PRKN: variants seen among roughly 807,000 people sequenced by gnomAD.
PRKN encodes E3 ubiquitin-protein ligase parkin.
PRKN carries 56 observed loss-of-function variants against 59.5 expected under a neutral mutation model. That is an observed-to-expected ratio of 0.94 (90% CI 0.76 to 1.18). PRKN has a LOEUF of 1.18. Ranked by LOEUF, PRKN falls within the 50% of genes most tolerant of loss-of-function variation. The pLI is 0.00. For synonymous variants in PRKN, 250 were observed against 222.1 expected (o/e 1.13, Z -1.12); for missense variants, 657 against 596.4 (o/e 1.10, Z -1.06).
chr6:162,410,963 T>C (rs1788327241), intron 2 of PRKN, among the ~76,000 whole-genome samples: 1 of 151,106 alleles, frequency 6.6e-6, no homozygotes, highest in Admixed American at 6.6e-5. Context: ...ATGATTCTTC[T>C]GGTGTCTCTC....
At chr6:161,727,182 C>A (rs79519427) in intron 7 of PRKN, among the ~76,000 whole-genome samples, 1 of 152,154 alleles carries the variant, frequency 6.6e-6, no homozygotes, top group African/African-American at 2.4e-5. Context: ...CAATGGGAGT[C>A]CTATTTTCTT....
chr6:161,567,422 G>T (rs562470261), intron 8 of PRKN, among the ~76,000 whole-genome samples: 27 of 152,144 alleles, frequency 1.8e-4, no homozygotes, highest in African/African-American at 5.5e-4. Flanking sequence ...ATGTGTTTAT[G>T]TGTATATAAT....
chr6:162,594,784 T>G (rs1781438298), intron 1 of PRKN, among the ~76,000 whole-genome samples: 1 of 152,218 alleles, frequency 6.6e-6, no homozygotes, highest in East Asian at 1.9e-4. Flanking sequence ...ACATGATATT[T>G]TTTGGATATT....
chr6:162,679,872 G>C (rs1303166033), intron 1 of PRKN, among the ~76,000 whole-genome samples: 1 of 152,136 alleles, frequency 6.6e-6, no homozygotes, highest in Non-Finnish European at 1.5e-5. Context: ...GGAAGAACAG[G>C]CCAGTGAGGT....
chr6:162,612,210 A>G (rs1782213853), intron 1 of PRKN, among the ~76,000 whole-genome samples: 1 of 150,352 alleles, frequency 6.7e-6, no homozygotes, highest in East Asian at 2.0e-4. Flanking sequence ...AAAAAAAAAA[A>G]AAAAGAAATG....
chr6:162,562,623 G>C (rs1779890118), intron 1 of PRKN, among the ~76,000 whole-genome samples: 1 of 152,136 alleles, frequency 6.6e-6, no homozygotes, highest in African/African-American at 2.4e-5. Flanking sequence ...TTTGGAAAGG[G>C]GAGAGAAAAC....
Position 161,502,715 on chromosome 6 carries a change from G to T in PRKN, c.1083+46139C>A, listed in dbSNP as rs6918906. Among the ~76,000 whole-genome samples, 1 of 152,032 alleles carries T rather than the reference G, an allele frequency of 6.6e-6. No homozygotes were observed. ...ATAATAGTTAGAACACAGTGTTATC[G>T]GCTAGGACTAATGATGGTGGAGCAG... On this transcript the variant is annotated intron_variant, in intron 9 of 11. Transcript: ENST00000366898. This position sits in a 1 kb window ranked among gnomAD's most constrained non-coding sequence, Gnocchi z 4.0.
rs1309974642 is a variant in PRKN, at chr6:162,445,623, T to TA, written c.8-2151dup. Among the ~76,000 whole-genome samples the TA allele has an allele frequency of 3.0e-5, 4 of 134,346 alleles. No individual in the cohort carries two copies. The Admixed American group carries it at 3.6e-4, about 12-fold the overall frequency. The allele number at this position is 134,346 out of a possible 152,430, so 88.1% of individuals were successfully genotyped here. On this transcript the variant is annotated intron_variant, in intron 1 of 11. Coordinates refer to ENST00000366898, the MANE Select transcript of PRKN (RefSeq NM_004562.3). ...GGGATGACTGTGTAAGCCCAGGAAT[T>TA]AGAGGTTTCAGTGAGCTATGGTTGT...
At chr6:161,964,802 A>G (rs1583413377) in intron 6 of PRKN, among the ~76,000 whole-genome samples, 1 of 152,010 alleles carries the variant, frequency 6.6e-6, no homozygotes, top group African/African-American at 2.4e-5. Flanking sequence ...TCAGAGTCTG[A>G]TGACTGGATA....
intron 8 of PRKN, among the ~76,000 whole-genome samples, chr6:161,569,096 A>G (rs1025654009): frequency 2.6e-5 from 4 of 152,220 alleles, no homozygotes; most frequent in African/African-American, 9.6e-5. Flanking sequence ...GCCACTATGC[A>G]GTGCTTGCTT....
chr6:161,672,305 A>G (rs1234079534), intron 7 of PRKN, among the ~76,000 whole-genome samples: 2 of 152,244 alleles, frequency 1.3e-5, no homozygotes, highest in Non-Finnish European at 2.9e-5. Context: ...TCAACTTAAA[A>G]AAATGTGAAT....
chr6:161,986,515 T>C (rs1162201536), intron 5 of PRKN, among the ~76,000 whole-genome samples: 2 of 151,932 alleles, frequency 1.3e-5, no homozygotes, highest in East Asian at 1.9e-4. Flanking sequence ...TTTTAAGACT[T>C]TGATATTCCA....
intron 5 of PRKN, among the ~76,000 whole-genome samples, chr6:162,041,747 C>A (rs1184001134): frequency 1.4e-4 from 21 of 152,122 alleles, no homozygotes; most frequent in Admixed American, 1.4e-3. Flanking sequence ...GCATGATAAC[C>A]AGTATTAATG....
chr6:161,939,111 A>C (rs1779459146), intron 6 of PRKN, among the ~76,000 whole-genome samples: 1 of 152,172 alleles, frequency 6.6e-6, no homozygotes, highest in Non-Finnish European at 1.5e-5. Flanking sequence ...AGGACTGCTC[A>C]GAAGCTGGAT....
At chr6:161,441,693 T>C (rs1332747446) in intron 9 of PRKN, among the ~76,000 whole-genome samples, 1 of 148,960 alleles carries the variant, frequency 6.7e-6, no homozygotes, top group Non-Finnish European at 1.5e-5. Context: ...TCTGGGGTCC[T>C]GAGAGCTCCA....
rs140497316 is a variant in PRKN, at chr6:161,499,656, C to T, written c.1083+49198G>A. Among the ~76,000 whole-genome samples the T allele has an allele frequency of 2.6e-5, 4 of 152,270 alleles. No homozygotes were observed. The highest frequency in any genetic ancestry group is 3.9e-4 in the East Asian group (2 of 5,182). On this transcript the variant is annotated intron_variant, in intron 9 of 11. Transcript: ENST00000366898. This position sits in a 1 kb window ranked among gnomAD's most constrained non-coding sequence, Gnocchi z 4.2. ...GGTTTCATTTCAGACCTACTGGATTCGAGGTGGTGGTGGTTTCTGCATTTT... is the reference window on the plus strand; with the variant it reads ...GGTTTCATTTCAGACCTACTGGATTTGAGGTGGTGGTGGTTTCTGCATTTT...
At chr6:161,945,405 A>G (rs758880372) in intron 6 of PRKN, among the ~76,000 whole-genome samples, 2 of 152,172 alleles carry the variant, frequency 1.3e-5, no homozygotes, top group African/African-American at 2.4e-5. Context: ...GTGGTCTTCT[A>G]TCCGGTTTTC....
chr6:161,837,786 T>C (rs189833840), intron 6 of PRKN, among the ~76,000 whole-genome samples: 1 of 152,316 alleles, frequency 6.6e-6, no homozygotes, highest in East Asian at 1.9e-4. Context: ...GAAGGAGAAC[T>C]GCATTCCAAT....
intron 2 of PRKN, among the ~76,000 whole-genome samples, chr6:162,311,481 CT>C (rs397886856): frequency 0.014 from 1,802 of 128,490 alleles, 10 homozygotes; most frequent in African/African-American, 0.044. Context: ...AATTTTTTTC[CT>C]TTTTTTTTTT....
Sources: allele counts gnomAD v4.1 joint callset (sites outside exome capture counted in the v4.1 genomes callset), GRCh38; gene constraint gnomAD v4.1.1; non-coding constraint Gnocchi (gnomAD v3.1); transcripts MANE v1.5; gene names NCBI Gene and HGNC (gene_info 2026-07-23, HGNC 2026-07-21).